The following COP1 variants were observed in gnomAD, a reference collection of about 807,000 sequenced individuals.
COP1 encodes the protein E3 ubiquitin-protein ligase COP1.
Under a neutral mutation model 101.3 loss-of-function variants are expected in COP1, and 24 were observed. The ratio of observed to expected loss-of-function variants is 0.24; its 90% confidence interval spans 0.17 to 0.33. The LOEUF (loss-of-function observed/expected upper bound fraction) is 0.33, where lower values mean the gene tolerates loss of function less well. Among genes scored for constraint, COP1 ranks in the 10% least tolerant of loss-of-function variants. The probability of loss-of-function intolerance (pLI) is 1.00; values close to 1 mark genes in which losing one functional copy is unlikely to be tolerated. For synonymous variants in COP1, 347 were observed against 341.9 expected, an observed-to-expected ratio of 1.01 and a Z score of -0.17; for missense variants, 663 against 906.2, an observed-to-expected ratio of 0.73 and a Z score of 3.45.
intron 9 of COP1, among the ~76,000 whole-genome samples, chr1:176,112,782 G>T (rs1572311487): frequency 2.0e-5 from 3 of 151,148 alleles, no homozygotes; most frequent in Non-Finnish European, 3.0e-5. Flanking sequence ...CTTTTTTTTG[G>T]CTCCCATTTA....
At chr1:176,007,243 T>G (rs540544277) in intron 15 of COP1, among the ~76,000 whole-genome samples, 1 of 152,116 alleles carries the variant, frequency 6.6e-6, no homozygotes, top group Non-Finnish European at 1.5e-5. Flanking sequence ...TTATACATTC[T>G]TCTAAATTTT....
At chr1:176,200,812 G>T (rs1330840683) in intron 1 of COP1, among the ~76,000 whole-genome samples, 1 of 152,096 alleles carries the variant, frequency 6.6e-6, no homozygotes, top group African/African-American at 2.4e-5. Context: ...AAGGTGGAGG[G>T]CAAAGACAAG....
intron 6 of COP1, among the ~76,000 whole-genome samples, chr1:176,143,099 C>A (rs1690964431): frequency 7.1e-6 from 1 of 140,836 alleles, no homozygotes; most frequent in African/African-American, 2.6e-5. Flanking sequence ...ATATTCCTGG[C>A]AAGAATTGAT....
chr1:176,198,034 T>C (rs1181122257), intron 1 of COP1, among the ~76,000 whole-genome samples: 1 of 152,160 alleles, frequency 6.6e-6, no homozygotes, highest in African/African-American at 2.4e-5. Context: ...ATATACTATG[T>C]TCATGATTCA....
At chr1:176,008,886 TG>T (rs1256868351) in intron 15 of COP1, among the ~76,000 whole-genome samples, 17 of 152,360 alleles carry the variant, frequency 1.1e-4, no homozygotes, top group Non-Finnish European at 2.1e-4. Context: ...GAGTTGTTCC[TG>T]GGTCAGCAAC....
chr1:176,099,057 T>C (rs1267112890), intron 9 of COP1, among the ~76,000 whole-genome samples: 3 of 152,216 alleles, frequency 2.0e-5, no homozygotes, highest in Non-Finnish European at 4.4e-5. Context: ...TTAAGGTTGT[T>C]ATGTTAAGTT....
At chr1:176,204,353 A>G (rs564451520) in intron 1 of COP1, among the ~76,000 whole-genome samples, 1 of 152,334 alleles carries the variant, frequency 6.6e-6, no homozygotes, top group Non-Finnish European at 1.5e-5. Context: ...TCATTATTTG[A>G]ACTTGGGCTT....
At chr1:176,094,300 G>A (rs1173678009) in intron 9 of COP1, among the ~76,000 whole-genome samples, 1 of 151,806 alleles carries the variant, frequency 6.6e-6, no homozygotes, top group South Asian at 2.1e-4. Context: ...AAGCAACTAG[G>A]TTGCCTTATA....
intron 3 of COP1, among the ~76,000 whole-genome samples, chr1:176,172,169 C>A (rs1031905677): frequency 1.3e-5 from 2 of 152,170 alleles, no homozygotes; most frequent in Non-Finnish European, 2.9e-5. Context: ...CTCACCTCAG[C>A]CTCCCAAGAA....
chr1:176,002,362 A>C (rs1040836229), intron 15 of COP1, among the ~76,000 whole-genome samples: 2 of 151,570 alleles, frequency 1.3e-5, no homozygotes, highest in Non-Finnish European at 2.9e-5. Context: ...TTATTTATTT[A>C]TTTTTATTAT....
intron 14 of COP1, among the ~76,000 whole-genome samples, chr1:176,029,381 A>C (rs1668283802): frequency 6.6e-6 from 1 of 152,236 alleles, no homozygotes; most frequent in Non-Finnish European, 1.5e-5. Flanking sequence ...TGAAAGCAGA[A>C]GCAGAAAATG....
intron 6 of COP1, among the ~76,000 whole-genome samples, chr1:176,146,582 T>C (rs1691619612): frequency 6.6e-6 from 1 of 152,176 alleles, no homozygotes; most frequent in East Asian, 1.9e-4. Flanking sequence ...GACAAAAAAA[T>C]TGTTATCTCT....
intron 1 of COP1, among the ~76,000 whole-genome samples, chr1:176,190,630 C>T (rs1012947782): frequency 1.3e-5 from 2 of 151,668 alleles, no homozygotes; most frequent in African/African-American, 4.8e-5. Flanking sequence ...AATCAAGGGT[C>T]ATATTGCAAT....
intron 15 of COP1, among the ~76,000 whole-genome samples, chr1:176,002,827 G>T (rs1380964401): frequency 1.3e-5 from 2 of 151,150 alleles, no homozygotes; most frequent in African/African-American, 4.9e-5. Flanking sequence ...ACGTGTGCAT[G>T]TGTCTTTATA....
chr1:176,005,166 G>A (rs537489951), intron 15 of COP1, among the ~76,000 whole-genome samples: 2 of 152,168 alleles, frequency 1.3e-5, no homozygotes, highest in Non-Finnish European at 2.9e-5. Flanking sequence ...TTCTCTGATG[G>A]TAGTTTGTAT....
rs373990377 is a variant in COP1, at chr1:175,999,150, AATT to A, written c.1730-9674_1730-9672del. Reference sequence around the variant, plus strand: ...AATTAAAAATAAAAATGTACAATTAAATTATTATTGACTATAGTCACCTCGTTA... The same window carrying A: ...AATTAAAAATAAAAATGTACAATTAAATTATTGACTATAGTCACCTCGTTA... On this transcript the variant is annotated intron_variant, in intron 15 of 19. Coordinates refer to ENST00000367669, the MANE Select transcript of COP1 (RefSeq NM_022457.7). Among the ~76,000 whole-genome samples the A allele has an allele frequency of 6.8e-4, 103 of 152,228 alleles. 1 individual carries two copies. In the East Asian group the frequency reaches 0.019, roughly 29 times the overall value.
chr1:176,188,886 G>A (rs111901403), intron 1 of COP1, among the ~76,000 whole-genome samples: 2 of 151,592 alleles, frequency 1.3e-5, no homozygotes, highest in Admixed American at 6.6e-5. Context: ...TCCCAGAGTT[G>A]TGACATATGT....
At chr1:176,147,925 A>G (rs554759657) in intron 6 of COP1, among the ~76,000 whole-genome samples, 14 of 152,238 alleles carry the variant, frequency 9.2e-5, no homozygotes, top group African/African-American at 3.4e-4. Flanking sequence ...TTTGGGACAG[A>G]TTCTCGCCCT....
In COP1 at chr1:175,997,712, C is replaced by A. The variant is rs181826142; in HGVS notation, c.1730-8233G>T. On this transcript the variant is annotated intron_variant, in intron 15 of 19. Transcript: ENST00000367669. ...AACCACAATGAGATACCATCTCACACCAGTTAGAATGGCAATCATTAAAAA... is the reference window on the plus strand; with the variant it reads ...AACCACAATGAGATACCATCTCACAACAGTTAGAATGGCAATCATTAAAAA... Among the ~76,000 whole-genome samples the A allele has an allele frequency of 2.1e-3, 319 of 152,286 alleles. 1 individual carries two copies. Among genetic ancestry groups the A allele is most frequent in the African/African-American group, 7.3e-3 (302 of 41,556 alleles).
Sources: allele counts gnomAD v4.1 joint callset (sites outside exome capture counted in the v4.1 genomes callset), GRCh38; gene constraint gnomAD v4.1.1; transcripts MANE v1.5; gene names NCBI Gene and HGNC (gene_info 2026-07-23, HGNC 2026-07-21).